GRM5: variants seen among roughly 807,000 people sequenced by gnomAD.
GRM5 encodes the protein glutamate metabotropic receptor 5.
A neutral mutation model predicts 83.1 loss-of-function variants in GRM5; 19 were observed. That is an observed-to-expected ratio of 0.23 (90% CI 0.16 to 0.34). GRM5 has a LOEUF of 0.34. Among genes scored for constraint, GRM5 ranks in the 10% least tolerant of loss-of-function variants. The pLI, the probability that GRM5 is intolerant of heterozygous loss-of-function variation, is 1.00. For synonymous variants in GRM5, 675 were observed against 633.6 expected (o/e 1.07, Z -0.98); for missense variants, 1,160 against 1,588.3 (o/e 0.73, Z 4.58).
At chr11:88,630,006 T>C (rs773886940) in intron 4 of GRM5, among the ~76,000 whole-genome samples, 1 of 152,166 alleles carries the variant, frequency 6.6e-6, no homozygotes, top group Non-Finnish European at 1.5e-5. Flanking sequence ...TCTGTTTCCT[T>C]ACCTATGACA....
intron 7 of GRM5, among the ~76,000 whole-genome samples, chr11:88,575,846 T>C (rs146194409): frequency 6.6e-6 from 1 of 151,096 alleles, no homozygotes; most frequent in Non-Finnish European, 1.5e-5. Context: ...ATTACACATC[T>C]CGTTTTAGAT....
chr11:88,553,229 G>T (rs994065230), intron 8 of GRM5, among the ~76,000 whole-genome samples: 27 of 152,230 alleles, frequency 1.8e-4, no homozygotes, highest in African/African-American at 6.3e-4. Context: ...GTCCATTTGG[G>T]CTAGAACATT....
At chr11:89,028,983 C>T (rs774718252) in intron 2 of GRM5, among the ~76,000 whole-genome samples, 1 of 152,068 alleles carries the variant, frequency 6.6e-6, no homozygotes, top group African/African-American at 2.4e-5. Context: ...TTCCCATGTC[C>T]ATGTGTTCTC....
chr11:88,545,528 C>T (rs1022916592), intron 8 of GRM5, among the ~76,000 whole-genome samples: 2 of 141,346 alleles, frequency 1.4e-5, no homozygotes, highest in Non-Finnish European at 3.0e-5. Context: ...ATAAACATGT[C>T]CAAACTTAGT....
At chr11:88,558,145 A>T (rs1942669393) in intron 8 of GRM5, among the ~76,000 whole-genome samples, 2 of 151,718 alleles carry the variant, frequency 1.3e-5, no homozygotes, top group African/African-American at 2.4e-5. Flanking sequence ...TATTCTAAAA[A>T]CTCTGGTTGA....
At chr11:88,973,715 G>A (rs1939238209) in intron 2 of GRM5, among the ~76,000 whole-genome samples, 1 of 152,202 alleles carries the variant, frequency 6.6e-6, no homozygotes. Context: ...CAAGTTTGTT[G>A]TAATTTGTTA....
At chr11:88,987,352 G>C (rs1939760805) in intron 2 of GRM5, among the ~76,000 whole-genome samples, 1 of 152,158 alleles carries the variant, frequency 6.6e-6, no homozygotes, top group African/African-American at 2.4e-5. Context: ...CTGGCTCGGA[G>C]GGTCCTACGC....
At chr11:88,806,081 C>A (rs1358837239) in intron 3 of GRM5, among the ~76,000 whole-genome samples, 1 of 152,168 alleles carries the variant, frequency 6.6e-6, no homozygotes, top group African/African-American at 2.4e-5. Flanking sequence ...CAATTTGCTT[C>A]ATCCCTTTGG....
chr11:88,516,044 C>G (rs1380315227), intron 9 of GRM5, among the ~76,000 whole-genome samples: 3 of 152,156 alleles, frequency 2.0e-5, no homozygotes, highest in African/African-American at 7.2e-5. Context: ...TTTTTAATTA[C>G]TTATTTACAA....
At chr11:88,988,128 T>C (rs1229168288) in intron 2 of GRM5, among the ~76,000 whole-genome samples, 1 of 149,184 alleles carries the variant, frequency 6.7e-6, no homozygotes, top group Non-Finnish European at 1.5e-5. Context: ...TTTAGAAGAA[T>C]GTATAACTAG....
intron 2 of GRM5, among the ~76,000 whole-genome samples, chr11:89,035,718 C>A (rs1001913358): frequency 6.6e-6 from 1 of 151,848 alleles, no homozygotes; most frequent in Non-Finnish European, 1.5e-5. Flanking sequence ...GGAACTTTGA[C>A]AATTTCTGAA....
intron 4 of GRM5, among the ~76,000 whole-genome samples, chr11:88,624,330 T>G (rs1938726258): frequency 1.3e-5 from 2 of 152,336 alleles, no homozygotes; most frequent in Admixed American, 1.3e-4. Flanking sequence ...CTAGTAATTC[T>G]GTGTAGAGAA....
intron 2 of GRM5, among the ~76,000 whole-genome samples, chr11:88,979,805 G>A (rs1200831653): frequency 6.6e-6 from 1 of 152,004 alleles, no homozygotes; most frequent in Admixed American, 6.6e-5. Context: ...TCCTAATAGG[G>A]GCTTGAGCCG....
At chr11:88,843,777 A>G (rs1251979039) in intron 3 of GRM5, among the ~76,000 whole-genome samples, 1 of 152,250 alleles carries the variant, frequency 6.6e-6, no homozygotes, top group Non-Finnish European at 1.5e-5. Context: ...AAAGAGAAAC[A>G]GCCTTATTGC....
intron 2 of GRM5, among the ~76,000 whole-genome samples, chr11:88,871,912 A>T (rs1944774780): frequency 6.6e-6 from 1 of 151,506 alleles, no homozygotes; most frequent in South Asian, 2.1e-4. Context: ...AACAGATGAA[A>T]AAAAAAGTTC....
At chr11:89,032,710 C>T (rs1429751811) in intron 2 of GRM5, among the ~76,000 whole-genome samples, 1 of 151,964 alleles carries the variant, frequency 6.6e-6, no homozygotes, top group African/African-American at 2.4e-5. Context: ...GGGAACTTGC[C>T]TCATTTCCAC....
chr11:88,575,109 A>T (rs1943081717), intron 7 of GRM5, among the ~76,000 whole-genome samples: 1 of 151,152 alleles, frequency 6.6e-6, no homozygotes, highest in Admixed American at 6.6e-5. Flanking sequence ...ACATGGCATG[A>T]TTGCTTTCTC....
chr11:88,938,048 A>G (rs1183616806), intron 2 of GRM5, among the ~76,000 whole-genome samples: 1 of 151,768 alleles, frequency 6.6e-6, no homozygotes, highest in Admixed American at 6.6e-5. Flanking sequence ...GATCTTAAAT[A>G]TTCTCACGAC....
At chr11:88,850,194 G>A (rs1452363031) in intron 2 of GRM5, 39 bp from the exon 3 acceptor site, 4 of 889,422 alleles carry the variant, frequency 4.5e-6, no homozygotes, top group African/African-American at 3.3e-5. Flanking sequence ...ATAGTGAAAT[G>A]AGAGTGTTGC....
Sources: gnomAD v4.1 joint callset for allele counts (sites outside exome capture counted in the v4.1 genomes callset) on GRCh38, gnomAD v4.1.1 for gene constraint, MANE v1.5 for transcripts, NCBI Gene and HGNC (gene_info 2026-07-23, HGNC 2026-07-21) for gene names.